TRIO: variants seen among roughly 807,000 people sequenced by gnomAD.
TRIO encodes trio Rho guanine nucleotide exchange factor, also known as triple functional domain protein.
TRIO carries 58 observed loss-of-function variants against 351.9 expected under a neutral mutation model. That is an observed-to-expected ratio of 0.16 (90% CI 0.13 to 0.21). The LOEUF (loss-of-function observed/expected upper bound fraction) is 0.21. Among genes scored for constraint, TRIO ranks in the 10% least tolerant of loss-of-function variants. The pLI is 1.00. For synonymous variants in TRIO, 1,758 were observed against 1,595.7 expected (o/e 1.10, Z -2.42); for missense variants, 3,201 against 4,027.8 (o/e 0.79, Z 5.56).
rs187000826 is a variant in TRIO, at chr5:14,249,636, G to A, written c.158-21189G>A. On this transcript the variant is annotated intron_variant, in intron 1 of 56. Coordinates refer to ENST00000344204, the MANE Select transcript of TRIO (RefSeq NM_007118.4). ...AAAGGGCAGGCATGTTTACTTGCAG[G>A]ACACATTTTGTGAGCAGGTTTCTTG... Among the ~76,000 whole-genome samples, 11 of 152,314 alleles carry A rather than the reference G, an allele frequency of 7.2e-5. 1 individual carries two copies. The East Asian group carries it at 9.6e-4, about 13-fold the overall frequency.
chr5:14,353,619 CAG>C (rs935535270), intron 11 of TRIO, among the ~76,000 whole-genome samples: 76 of 152,218 alleles, frequency 5.0e-4, no homozygotes, highest in African/African-American at 1.8e-3. Context: ...GATGAGAAAA[CAG>C]AGCTGGATCC....
intron 11 of TRIO, among the ~76,000 whole-genome samples, chr5:14,356,326 T>G (rs1030594055): frequency 6.6e-6 from 1 of 152,268 alleles, no homozygotes; most frequent in Non-Finnish European, 1.5e-5. Flanking sequence ...CTGGTAATAG[T>G]GTGTTTTTGA....
At chr5:14,498,775 A>C in intron 53 of TRIO, 135 bp downstream of exon 53, 1 of 1,378,702 alleles carries the variant, frequency 7.3e-7, no homozygotes, top group Non-Finnish European at 9.9e-7. Context: ...GGGGCTTCAA[A>C]AGACAGTTGT....
chr5:14,278,133 A>G lies in TRIO; in HGVS notation c.233-2189A>G, dbSNP rs16903354. 6.3e-3 allele frequency among the ~76,000 whole-genome samples: 960 copies of G among 152,318 alleles called. 13 individuals carry two copies. Among genetic ancestry groups the G allele is most frequent in the African/African-American group, 0.022 (929 of 41,572 alleles). ...GCAGATGAACTTGGTAGCAAGTCTT[A>G]GGATACTGCTCACTAGTGCTACCAG... On this transcript the variant is annotated intron_variant, in intron 2 of 56. Coordinates refer to ENST00000344204, the MANE Select transcript of TRIO (RefSeq NM_007118.4).
chr5:14,166,115 G>A (rs1481574557), intron 1 of TRIO, among the ~76,000 whole-genome samples: 1 of 152,198 alleles, frequency 6.6e-6, no homozygotes, highest in South Asian at 2.1e-4. Context: ...AGTCTGATTT[G>A]TGGGGCAGGA....
chr5:14,372,197 C>T (rs1465050854), intron 18 of TRIO, among the ~76,000 whole-genome samples: 1 of 120,832 alleles, frequency 8.3e-6, no homozygotes, highest in Non-Finnish European at 1.6e-5. Context: ...TTGATCAGAG[C>T]TGGTTTGAAA....
chr5:14,183,756 ATG>A (rs1789936674), intron 1 of TRIO: 1 of 517,126 alleles, frequency 1.9e-6, no homozygotes, highest in African/African-American at 1.9e-5. Context: ...GAGGGAAGGC[ATG>A]CGGCCGCAGT....
intron 11 of TRIO, among the ~76,000 whole-genome samples, chr5:14,350,859 C>G (rs536960517): frequency 6.6e-6 from 1 of 152,162 alleles, no homozygotes; most frequent in Admixed American, 6.5e-5. Context: ...TTCCACAGAC[C>G]AGCGGTGTTG....
At chr5:14,243,926 C>T (rs889725991) in intron 1 of TRIO, among the ~76,000 whole-genome samples, 4 of 152,322 alleles carry the variant, frequency 2.6e-5, no homozygotes, top group East Asian at 1.9e-4. Flanking sequence ...ACAATAACAG[C>T]GCCATATGCA....
At position 14,508,207 on chromosome 5, in the gene TRIO, G is replaced by A. The variant is rs565906189; in HGVS notation, c.9079G>A (p.Val3027Met). The A allele has an allele frequency of 3.1e-6, 5 of 1,614,106 alleles. No homozygotes were observed. Among genetic ancestry groups the A allele is most frequent in the East Asian group, 2.2e-5 (1 of 44,880 alleles). Residue 3027 changes from valine (V) to methionine (M), a missense_variant, in exon 57 of 57, where the codon GTG becomes ATG. By Grantham distance (21) the Val-to-Met change is conservative (BLOSUM62 1). Around this residue, in one of 19 missense-constraint regions of TRIO, gnomAD observed 233 missense variants for 292.6 expected, o/e 0.80. Transcript: ENST00000344204. ...AGTGAGCCAGAAGGCCAAGGAGTTC[G>A]TGTGCTTCCTCCTGCAGGAGGACCC... ...KGVSQKAKEF[V>M]CFLLQEDPAK...
intron 1 of TRIO, among the ~76,000 whole-genome samples, chr5:14,248,260 A>G (rs1301185153): frequency 6.6e-6 from 1 of 152,180 alleles, no homozygotes; most frequent in African/African-American, 2.4e-5. Flanking sequence ...TAATGTTATT[A>G]CCTTCCCACT....
intron 7 of TRIO, among the ~76,000 whole-genome samples, chr5:14,300,073 C>T (rs557749129): frequency 3.9e-5 from 6 of 152,302 alleles, no homozygotes; most frequent in East Asian, 1.9e-4. Context: ...TCACAGTATC[C>T]GTTTGCAAAT....
chr5:14,345,039 G>A (rs923301693), intron 11 of TRIO, among the ~76,000 whole-genome samples: 4 of 152,330 alleles, frequency 2.6e-5, no homozygotes, highest in Admixed American at 2.6e-4. Flanking sequence ...TGGCCAGTGG[G>A]AAGAGAGTGA....
intron 11 of TRIO, among the ~76,000 whole-genome samples, chr5:14,342,624 G>A (rs1742042397): frequency 6.6e-6 from 1 of 152,220 alleles, no homozygotes; most frequent in African/African-American, 2.4e-5. Flanking sequence ...TCCTCCAGAT[G>A]CCTTATATCT....
At position 14,291,033 on chromosome 5, in the gene TRIO, A is replaced by G; in HGVS notation, c.858A>G (p.Ile286Met). Residue 286 changes from isoleucine (I) to methionine (M), a missense_variant, in exon 5 of 57, where the codon ATA becomes ATG. Coordinates refer to ENST00000344204, the MANE Select transcript of TRIO (RefSeq NM_007118.4). ...AGGGACAGAAGCTGCTTCAGAGGAT[A>G]CAGAGCAGTGAAAGCTTTCCCAAAA... ...DLEGQKLLQR[I>M]QSSESFPKKN... The G allele has an allele frequency of 6.2e-7, 1 of 1,614,230 alleles. No homozygotes were observed. Among genetic ancestry groups the G allele is most frequent in the South Asian group, 1.1e-5 (1 of 91,088 alleles).
At chr5:14,340,765 G>C (rs1415743832) in intron 11 of TRIO, among the ~76,000 whole-genome samples, 1 of 152,216 alleles carries the variant, frequency 6.6e-6, no homozygotes, top group Non-Finnish European at 1.5e-5. Flanking sequence ...CAAAAACTGA[G>C]ACCTCTGTAC....
Position 14,348,730 on chromosome 5 carries a change from A to G in TRIO, c.2047-9448A>G, listed in dbSNP as rs148065847. On this transcript the variant is annotated intron_variant, in intron 11 of 56. Transcript: ENST00000344204. ...TTTATGTGTGTGTACGCACATGAGC[A>G]TGTGTTTTTCCTCTGTGTGTGTACG... 3.6e-4 allele frequency among the ~76,000 whole-genome samples: 51 copies of G among 141,530 alleles called. 1 individual carries two copies. The East Asian group carries it at 1.0e-2, about 28-fold the overall frequency. 92.8% of individuals were successfully genotyped at this position (141,530 alleles called of 152,430 possible).
At chr5:14,379,669 T>C (rs2152352385) in intron 20 of TRIO, among the ~76,000 whole-genome samples, 1 of 152,396 alleles carries the variant, frequency 6.6e-6, no homozygotes, top group Middle Eastern at 3.4e-3. Context: ...CACATAACTT[T>C]ATTATCTCTC....
Position 14,280,447 on chromosome 5 carries a change from T to G in TRIO, c.347+11T>G, listed in dbSNP as rs996367159. 9.9e-6 allele frequency: 16 copies of G among 1,608,806 alleles called. No individual in the cohort carries two copies. Among genetic ancestry groups the G allele is most frequent in the Non-Finnish European group, 1.4e-5 (16 of 1,175,214 alleles). ...AGCCTGTATTCCCAGGTAAGTTCTG[T>G]GTGGCTTGTGCTTGTCACTGATGTC... is the stretch of plus-strand genomic sequence containing the variant. On this transcript the variant is annotated intron_variant, in intron 3 of 56. Coordinates refer to ENST00000344204, the MANE Select transcript of TRIO (RefSeq NM_007118.4).
Sources: gnomAD v4.1 joint callset for allele counts (sites outside exome capture counted in the v4.1 genomes callset) on GRCh38, gnomAD v4.1.1 for gene constraint, gnomAD v4.1.1 regional missense constraint, MANE v1.5 for transcripts, NCBI Gene and HGNC (gene_info 2026-07-23, HGNC 2026-07-21) for gene names.